The following FCHSD2 variants were observed in gnomAD, a reference collection of about 807,000 sequenced individuals.
FCHSD2 encodes F-BAR and double SH3 domains protein 2.
A neutral mutation model predicts 108.1 loss-of-function variants in FCHSD2; 38 were observed. The ratio of observed to expected loss-of-function variants is 0.35; its 90% CI spans 0.27 to 0.46. FCHSD2 has a LOEUF of 0.46. FCHSD2 is among the 20% of genes least tolerant of loss of function. The probability of loss-of-function intolerance (pLI) is 1.00; values close to 1 mark genes in which losing one functional copy is unlikely to be tolerated. For synonymous variants in FCHSD2, 279 were observed against 314.7 expected (o/e 0.89, Z 1.20); for missense variants, 751 against 897.8 (o/e 0.84, Z 2.09).
At chr11:73,021,145 G>A (rs1858093785) in intron 3 of FCHSD2, among the ~76,000 whole-genome samples, 1 of 151,910 alleles carries the variant, frequency 6.6e-6, no homozygotes, top group South Asian at 2.1e-4. Flanking sequence ...CCAAAGGGCT[G>A]GGATTAAAGG....
chr11:72,871,811 TG>T (rs1854865302), intron 12 of FCHSD2, among the ~76,000 whole-genome samples: 1 of 151,226 alleles, frequency 6.6e-6, no homozygotes, highest in African/African-American at 2.4e-5. Flanking sequence ...AGGCTGCTCT[TG>T]AACTCCTGAG....
intron 11 of FCHSD2, among the ~76,000 whole-genome samples, chr11:72,888,361 C>T (rs1316376337): frequency 6.6e-6 from 1 of 152,144 alleles, no homozygotes; most frequent in Non-Finnish European, 1.5e-5. Flanking sequence ...GCAACACAGA[C>T]ATCATTGGCG....
intron 9 of FCHSD2, among the ~76,000 whole-genome samples, chr11:72,909,284 G>A (rs552240482): frequency 1.3e-5 from 2 of 152,230 alleles, no homozygotes; most frequent in South Asian, 2.1e-4. Context: ...TGATCTGCCC[G>A]CCTCGGCCTC....
intron 2 of FCHSD2, among the ~76,000 whole-genome samples, chr11:73,121,324 C>A (rs1860729968): frequency 6.6e-6 from 1 of 151,992 alleles, no homozygotes; most frequent in Non-Finnish European, 1.5e-5. Flanking sequence ...TTTTGTTACA[C>A]CCTAGTAAAC....
chr11:73,080,248 G>A (rs545833265), intron 3 of FCHSD2, among the ~76,000 whole-genome samples: 1 of 136,738 alleles, frequency 7.3e-6, no homozygotes, highest in African/African-American at 2.7e-5. Context: ...ACTAAGCTAT[G>A]ATTGTGCCAC....
chr11:72,918,677 GAACAGT>G (rs1219401377), intron 9 of FCHSD2, among the ~76,000 whole-genome samples: 10 of 152,118 alleles, frequency 6.6e-5, no homozygotes, highest in African/African-American at 2.4e-4. Context: ...GAAGTATTAA[GAACAGT>G]AACACTAGAC....
At chr11:72,994,861 C>T (rs1219519108) in intron 5 of FCHSD2, among the ~76,000 whole-genome samples, 2 of 152,142 alleles carry the variant, frequency 1.3e-5, no homozygotes, top group Non-Finnish European at 2.9e-5. Context: ...AATTCACATA[C>T]AACAAAATTC....
chr11:72,899,542 A>G lies in FCHSD2; in HGVS notation c.924+3001T>C, dbSNP rs1452404541. On this transcript the variant is annotated intron_variant, in intron 10 of 19. Transcript: ENST00000409418. ...GAGCCCAGGAGTTCAAGGCCAGCCT[A>G]AGCAACATGGTGACATCCCCTCTCT... is the stretch of plus-strand genomic sequence containing the variant. Among the ~76,000 whole-genome samples the G allele has an allele frequency of 2.0e-5, 3 of 152,006 alleles. No individual in the cohort carries two copies. In the East Asian group the frequency reaches 5.8e-4, roughly 29 times the overall value.
chr11:72,868,113 G>T, intron 12 of FCHSD2, 87 bp from the exon 13 acceptor site: 1 of 1,217,080 alleles, frequency 8.2e-7, no homozygotes, highest in Non-Finnish European at 1.1e-6. Flanking sequence ...GCCCATCAAT[G>T]ATCGACTGGA....
In FCHSD2 at chr11:72,940,618, C is replaced by T. The variant is rs1008381123; in HGVS notation, c.706-18668G>A. ...GCTCTCTGCTCTCCACAGGGCTCCC[C>T]GCCCCACCCAGCCTGATAAAGCGCG... is the stretch of plus-strand genomic sequence containing the variant. On this transcript the variant is annotated intron_variant, in intron 8 of 19. Coordinates refer to ENST00000409418, the MANE Select transcript of FCHSD2 (RefSeq NM_014824.3). The T allele has an allele frequency of 9.0e-6, 13 of 1,444,786 alleles. 1 individual carries two copies. The African/African-American group carries it at 1.1e-4, about 12-fold the overall frequency. 89.5% of individuals were successfully genotyped at this position (1,444,786 alleles called of 1,614,324 possible).
intron 12 of FCHSD2, among the ~76,000 whole-genome samples, chr11:72,883,982 A>G (rs1188071059): frequency 1.3e-5 from 2 of 151,292 alleles, no homozygotes; most frequent in Admixed American, 6.6e-5. Context: ...AATACCCAAG[A>G]AAAAAAAATA....
At chr11:72,935,163 C>G (rs2135332679) in intron 8 of FCHSD2, among the ~76,000 whole-genome samples, 1 of 152,166 alleles carries the variant, frequency 6.6e-6, no homozygotes, top group East Asian at 1.9e-4. Context: ...CTGGAATGCT[C>G]CACTGAACAT....
chr11:72,994,377 T>C (rs557858278), intron 5 of FCHSD2, among the ~76,000 whole-genome samples: 9 of 152,154 alleles, frequency 5.9e-5, no homozygotes, highest in Admixed American at 3.9e-4. Context: ...AACGACTCTA[T>C]GAAAAAGGTA....
chr11:73,067,723 C>A (rs1332883232), intron 3 of FCHSD2, among the ~76,000 whole-genome samples: 1 of 151,944 alleles, frequency 6.6e-6, no homozygotes, highest in African/African-American at 2.4e-5. Context: ...AAAACAAAAA[C>A]CCCTACCTCT....
intron 10 of FCHSD2, among the ~76,000 whole-genome samples, chr11:72,899,834 C>T (rs933679242): frequency 9.0e-5 from 13 of 143,800 alleles, no homozygotes; most frequent in African/African-American, 3.1e-4. Context: ...TATGAAAAAA[C>T]TAATTGCTTC....
chr11:72,946,407 A>T (rs1218220137), intron 8 of FCHSD2, among the ~76,000 whole-genome samples: 1 of 63,380 alleles, frequency 1.6e-5, no homozygotes, highest in African/African-American at 6.3e-5. Context: ...GGGGTGGGGG[A>T]GGGGGGAGGG....
intron 3 of FCHSD2, among the ~76,000 whole-genome samples, chr11:73,045,988 AT>A (rs11289761): frequency 0.73 from 99,393 of 136,760 alleles, 35,791 homozygotes; most frequent in South Asian, 0.84. Flanking sequence ...AATTTCAGTA[AT>A]TTTTTTTTTT....
At chr11:73,137,790 C>T (rs2135578841) in intron 2 of FCHSD2, among the ~76,000 whole-genome samples, 1 of 152,174 alleles carries the variant, frequency 6.6e-6, no homozygotes, top group South Asian at 2.1e-4. Flanking sequence ...CCTGACGTCC[C>T]GAGTGACCAG....
chr11:72,870,857 G>A (rs377109230), intron 12 of FCHSD2, among the ~76,000 whole-genome samples: 26 of 114,354 alleles, frequency 2.3e-4, no homozygotes, highest in African/African-American at 6.5e-4. Flanking sequence ...CCGAGATTGC[G>A]CCACTGCACT....
Sources: gnomAD v4.1 joint callset for allele counts (sites outside exome capture counted in the v4.1 genomes callset) on GRCh38, gnomAD v4.1.1 for gene constraint, MANE v1.5 for transcripts, NCBI Gene and HGNC (gene_info 2026-07-23, HGNC 2026-07-21) for gene names.